The following FGD3 variants were observed in gnomAD, a reference collection of about 807,000 sequenced individuals.
The protein encoded by FGD3 is FYVE, RhoGEF and PH domain containing 3.
Under a neutral mutation model 71.8 loss-of-function variants are expected in FGD3, and 45 were observed. The ratio of observed to expected loss-of-function variants is 0.63; its 90% confidence interval spans 0.49 to 0.80. FGD3 has a LOEUF of 0.80. Among genes scored for constraint, FGD3 ranks in the 30% least tolerant of loss-of-function variants. The pLI, the probability that FGD3 is intolerant of heterozygous loss-of-function variation, is 0.00. For synonymous variants in FGD3, 378 were observed against 392.8 expected (o/e 0.96, Z 0.44); for missense variants, 844 against 951.5 (o/e 0.89, Z 1.49).
chr9:92,970,019 C>G (rs1016275682), intron 1 of FGD3, among the ~76,000 whole-genome samples: 2 of 152,192 alleles, frequency 1.3e-5, no homozygotes, highest in East Asian at 3.9e-4. Flanking sequence ...TCCAGCCTTG[C>G]TCACCTCAGG....
rs1380047877 is a variant in FGD3, at chr9:92,987,999, G to A, written c.453+11290G>A. 3.9e-5 allele frequency among the ~76,000 whole-genome samples: 6 copies of A among 152,178 alleles called. No homozygotes were observed. The East Asian group carries it at 1.2e-3, about 29-fold the overall frequency. On this transcript the variant is annotated intron_variant, in intron 3 of 17. Transcript: ENST00000375482. The stretch of plus-strand genomic sequence containing the variant: ...AACCAGTTATTATTTTAAAGAGGCT[G>A]TTTAGCAACCACCTGACCAATGCAG...
chr9:93,015,905 C>A, intron 10 of FGD3, 76 bp downstream of exon 10: 2 of 1,323,650 alleles, frequency 1.5e-6, no homozygotes, highest in Non-Finnish European at 2.2e-6. Flanking sequence ...CAGGCTCTGG[C>A]CGCTGAGGCA....
intron 14 of FGD3, among the ~76,000 whole-genome samples, chr9:93,025,400 C>A (rs1385473794): frequency 6.6e-6 from 1 of 152,206 alleles, no homozygotes; most frequent in African/African-American, 2.4e-5. Flanking sequence ...TGGTGTCTTC[C>A]TGTGAGCAAA....
chr9:93,003,930 G>T lies in FGD3; in HGVS notation c.544-71G>T. 6.3e-7 allele frequency: 1 copy of T among 1,591,054 alleles called. No individual in the cohort carries two copies. On this transcript the variant is annotated intron_variant, in intron 4 of 17. Transcript: ENST00000375482. This position sits in a 1 kb window ranked among gnomAD's most constrained non-coding sequence, Gnocchi z 4.1. The stretch of plus-strand genomic sequence containing the variant: ...CCCCTCCCGAGCGCCCTCACCTGTG[G>T]CCGAAGCGGGGCGGCAACTGTGCTC...
chr9:92,975,594 A>G (rs7032953), intron 2 of FGD3, among the ~76,000 whole-genome samples, 189 bp downstream of exon 2: 111,000 of 152,130 alleles, frequency 0.73, 41,577 homozygotes, highest in African/African-American at 0.9. Flanking sequence ...CATGAGAGGC[A>G]TGGTGGGCCA....
At position 93,003,905 on chromosome 9, in the gene FGD3, C is replaced by G; in HGVS notation, c.544-96C>G. 1 of 1,453,372 alleles carries G rather than the reference C, an allele frequency of 6.9e-7. No homozygotes were observed. Among genetic ancestry groups the G allele is most frequent in the Non-Finnish European group, 9.4e-7 (1 of 1,060,412 alleles). 90.0% of individuals were successfully genotyped at this position (1,453,372 alleles called of 1,614,324 possible). ...AGAAAACACAAGGTGGCAGCAGCGGCCCCTCCCGAGCGCCCTCACCTGTGG... is the reference window on the plus strand; with the variant it reads ...AGAAAACACAAGGTGGCAGCAGCGGGCCCTCCCGAGCGCCCTCACCTGTGG... On this transcript the variant is annotated intron_variant, in intron 4 of 17. Coordinates refer to ENST00000375482, the MANE Select transcript of FGD3 (RefSeq NM_001083536.2). This position sits in a 1 kb window ranked among gnomAD's most constrained non-coding sequence, Gnocchi z 4.1.
chr9:93,020,559 G>T (rs1861880323), intron 13 of FGD3, 135 bp downstream of exon 13: 2 of 674,660 alleles, frequency 3.0e-6, no homozygotes, highest in African/African-American at 3.6e-5. Flanking sequence ...AGGACAGCGG[G>T]CACTCCCTTG....
rs1334527544 is a variant in FGD3 at position 93,015,730 on chromosome 9, C to G, written c.1183-7C>G. On this transcript the variant is annotated splice_polypyrimidine_tract_variant and splice_region_variant and intron_variant, in intron 9 of 17. Coordinates refer to ENST00000375482, the MANE Select transcript of FGD3 (RefSeq NM_001083536.2). ...CTCGTTCCTCACCTGTGCCATCCCT[C>G]TTGCAGTTCAACAGCATGATCCTTT... 6.2e-7 allele frequency: 1 copy of G among 1,613,982 alleles called. No individual in the cohort carries two copies. Among genetic ancestry groups the G allele is most frequent in the South Asian group, 1.1e-5 (1 of 91,078 alleles).
At chr9:93,018,114 T>C (rs1387000843) in intron 10 of FGD3, 22 bp from the exon 11 acceptor site, 2 of 1,612,288 alleles carry the variant, frequency 1.2e-6, no homozygotes, top group South Asian at 2.2e-5. Flanking sequence ...GTTTGCTTTG[T>C]TCTTTGTTCT....
rs150996743 is a variant in FGD3, at chr9:92,955,620, G to A, written c.-218+7891G>A. Among the ~76,000 whole-genome samples the A allele has an allele frequency of 4.4e-3, 665 of 152,284 alleles. 1 individual carries two copies. The highest frequency in any genetic ancestry group is 8.2e-3 in the Admixed American group (125 of 15,296). ...TACCCGGGATTTCCCAGTGGTAACA[G>A]CTTGCAAAACGATATAGGACCATAT... On this transcript the variant is annotated intron_variant, in intron 1 of 17. Transcript: ENST00000375482.
chr9:93,028,056 T>A (rs966085052), intron 14 of FGD3, among the ~76,000 whole-genome samples: 2 of 152,036 alleles, frequency 1.3e-5, no homozygotes, highest in African/African-American at 4.8e-5. Flanking sequence ...ATGTTAAACT[T>A]TTTTTAAGCG....
rs893859220 is a variant in FGD3 at position 93,003,341 on chromosome 9, C to G, written c.543+327C>G. ...ACGGGGTTTCACCATATTTGTCAGG[C>G]TGGTCTTGAACTCCTGACCTCAGGT... is the stretch of plus-strand genomic sequence containing the variant. On this transcript the variant is annotated intron_variant, in intron 4 of 17. Transcript: ENST00000375482. The surrounding 1 kb of genome is among the most constrained non-coding windows in gnomAD (Gnocchi z 4.1). Among the ~76,000 whole-genome samples the G allele has an allele frequency of 3.3e-5, 5 of 152,178 alleles. No individual in the cohort carries two copies. Among genetic ancestry groups the G allele is most frequent in the Admixed American group, 6.5e-5 (1 of 15,268 alleles).
chr9:93,035,165 G>A (rs769507300), intron 17 of FGD3, among the ~76,000 whole-genome samples, 173 bp from the exon 18 acceptor site: 1 of 152,176 alleles, frequency 6.6e-6, no homozygotes, highest in African/African-American at 2.4e-5. Context: ...CCCACCGACC[G>A]TCCTCCTGTT....
intron 16 of FGD3, 24 bp from the exon 17 acceptor site, chr9:93,034,516 CT>C (rs745353466): frequency 1.9e-6 from 3 of 1,597,812 alleles, no homozygotes; most frequent in Admixed American, 3.4e-5. Context: ...GAGACTGCCC[CT>C]AACCTGTGTC....
At chr9:93,016,695 C>T (rs1861710472) in intron 10 of FGD3, among the ~76,000 whole-genome samples, 1 of 147,836 alleles carries the variant, frequency 6.8e-6, no homozygotes, top group Admixed American at 6.7e-5. Flanking sequence ...GTGATCTCGG[C>T]TCACTGCGAC....
intron 11 of FGD3, among the ~76,000 whole-genome samples, chr9:93,019,231 A>C (rs1564166780): frequency 6.6e-6 from 1 of 152,172 alleles, no homozygotes; most frequent in Non-Finnish European, 1.5e-5. Context: ...CCTGTCCTGC[A>C]CCTTGCTTTT....
chr9:93,020,003 C>A, intron 12 of FGD3, 142 bp downstream of exon 12: 1 of 872,584 alleles, frequency 1.1e-6, no homozygotes, highest in Non-Finnish European at 1.9e-6. Context: ...AGTGACCACA[C>A]TGTGCCTTCA....
At chr9:93,019,113 G>T (rs1861816872) in intron 11 of FGD3, among the ~76,000 whole-genome samples, 1 of 152,184 alleles carries the variant, frequency 6.6e-6, no homozygotes, top group Admixed American at 6.5e-5. Context: ...GCCTCCCAAA[G>T]TGCTGGGATT....
intron 10 of FGD3, among the ~76,000 whole-genome samples, chr9:93,016,567 A>C (rs370795907): frequency 2.6e-5 from 4 of 151,218 alleles, no homozygotes; most frequent in African/African-American, 9.7e-5. Context: ...CGAACTCCTG[A>C]CTTCGTGATC....
Sources: gnomAD v4.1 joint callset for allele counts (sites outside exome capture counted in the v4.1 genomes callset) on GRCh38, gnomAD v4.1.1 for gene constraint, Gnocchi (gnomAD v3.1) non-coding constraint, MANE v1.5 for transcripts, NCBI Gene and HGNC (gene_info 2026-07-23, HGNC 2026-07-21) for gene names.